KCND2: variants seen among roughly 807,000 people sequenced by gnomAD.
The protein encoded by KCND2 is A-type voltage-gated potassium channel KCND2.
KCND2 carries 16 observed loss-of-function variants against 54.4 expected under a neutral mutation model. The ratio of observed to expected loss-of-function variants is 0.29; its 90% CI spans 0.20 to 0.45. The LOEUF (loss-of-function observed/expected upper bound fraction) is 0.45. KCND2 is among the 20% of genes least tolerant of loss of function. The pLI is 1.00. For synonymous variants in KCND2, 317 were observed against 310.7 expected (o/e 1.02, Z -0.21); for missense variants, 486 against 824.2 (o/e 0.59, Z 5.02).
intron 1 of KCND2, among the ~76,000 whole-genome samples, chr7:120,690,700 A>G (rs1170012372): frequency 6.6e-6 from 1 of 152,202 alleles, no homozygotes; most frequent in Non-Finnish European, 1.5e-5. Context: ...CACATTGATC[A>G]TATTGATAAA....
intron 1 of KCND2, among the ~76,000 whole-genome samples, chr7:120,587,271 C>T (rs967121904): frequency 2.6e-5 from 4 of 152,074 alleles, no homozygotes; most frequent in African/African-American, 7.2e-5. Flanking sequence ...CAAAATATAC[C>T]AAATCCAGCA....
chr7:120,465,656 C>T (rs1226456782), intron 1 of KCND2, among the ~76,000 whole-genome samples: 1 of 152,020 alleles, frequency 6.6e-6, no homozygotes, highest in African/African-American at 2.4e-5. Flanking sequence ...GTGGAGCTGC[C>T]TAGCAGTCAG....
At chr7:120,722,857 C>CT (rs1302417644) in intron 1 of KCND2, among the ~76,000 whole-genome samples, 1 of 152,160 alleles carries the variant, frequency 6.6e-6, no homozygotes, top group Non-Finnish European at 1.5e-5. Flanking sequence ...CTTCCCCTGG[C>CT]AAAGGCACTT....
At chr7:120,335,460 C>CTTAT (rs1563013327) in intron 1 of KCND2, among the ~76,000 whole-genome samples, 1 of 136,728 alleles carries the variant, frequency 7.3e-6, no homozygotes, top group East Asian at 2.1e-4. Context: ...TATTTATTTA[C>CTTAT]TTACTTACTT....
At chr7:120,551,757 G>T (rs909656727) in intron 1 of KCND2, among the ~76,000 whole-genome samples, 2 of 152,116 alleles carry the variant, frequency 1.3e-5, no homozygotes, top group Non-Finnish European at 1.5e-5. Flanking sequence ...GATAGCCACA[G>T]CCTGTAACCT....
At chr7:120,309,703 ATATCT>A (rs1198247898) in intron 1 of KCND2, among the ~76,000 whole-genome samples, 1 of 151,730 alleles carries the variant, frequency 6.6e-6, no homozygotes, top group African/African-American at 2.4e-5. Flanking sequence ...CTATCTTCAG[ATATCT>A]TATGTTATGG....
chr7:120,578,281 C>G (rs1233261589), intron 1 of KCND2, among the ~76,000 whole-genome samples: 3 of 152,000 alleles, frequency 2.0e-5, no homozygotes, highest in East Asian at 3.9e-4. Flanking sequence ...TAGCAAGACC[C>G]TGTTTCAAGA....
At chr7:120,546,585 C>G (rs989145045) in intron 1 of KCND2, among the ~76,000 whole-genome samples, 1 of 151,862 alleles carries the variant, frequency 6.6e-6, no homozygotes, top group African/African-American at 2.4e-5. Context: ...TTCTGCCATA[C>G]CCTTCCATAT....
rs36229417 is a variant in KCND2 at position 120,604,510 on chromosome 7, CAATAATAATAATAAT to C, written c.1116-128364_1116-128350del. ...AGAGCAAGACTCCATCTAAAAATAA[CAATAATAATAATAAT>C]AATAATAATAATAATAATAATAATA... is the stretch of plus-strand genomic sequence containing the variant. On this transcript the variant is annotated intron_variant, in intron 1 of 5. Transcript: ENST00000331113. Among the ~76,000 whole-genome samples the C allele has an allele frequency of 5.3e-3, 742 of 140,240 alleles. 2 individuals are homozygous for C. The highest frequency in any genetic ancestry group is 0.011 in the Middle Eastern group (3 of 274). 92.0% of individuals were successfully genotyped at this position (140,240 alleles called of 152,430 possible).
intron 1 of KCND2, among the ~76,000 whole-genome samples, chr7:120,475,110 T>C (rs1186476026): frequency 6.6e-6 from 1 of 152,214 alleles, no homozygotes; most frequent in Non-Finnish European, 1.5e-5. Context: ...CCTAACTGCC[T>C]TCAGACCTTT....
intron 1 of KCND2, among the ~76,000 whole-genome samples, chr7:120,336,534 A>G (rs962798381): frequency 2.6e-5 from 4 of 152,180 alleles, no homozygotes; most frequent in Non-Finnish European, 5.9e-5. Context: ...ATAGGGATGT[A>G]GATAGTAGCT....
intron 1 of KCND2, among the ~76,000 whole-genome samples, chr7:120,388,402 T>C (rs1801021023): frequency 1.3e-5 from 2 of 152,060 alleles, no homozygotes; most frequent in Admixed American, 1.3e-4. Flanking sequence ...TGGGGTATTG[T>C]ACAAAGTAGA....
chr7:120,580,448 A>G (rs1792500873), intron 1 of KCND2, among the ~76,000 whole-genome samples: 1 of 152,046 alleles, frequency 6.6e-6, no homozygotes, highest in South Asian at 2.1e-4. Context: ...CTTCTGCTCC[A>G]CAAGCTAGCA....
Position 120,469,561 on chromosome 7 carries a change from A to T in KCND2, c.1115+193814A>T, listed in dbSNP as rs951295394. Among the ~76,000 whole-genome samples, 7 of 152,224 alleles carry T rather than the reference A, an allele frequency of 4.6e-5. No homozygotes were observed. In the East Asian group the frequency reaches 1.2e-3, roughly 25 times the overall value. The stretch of plus-strand genomic sequence containing the variant: ...CAATGCTCTGTTTCAGTAGCAGAGG[A>T]TTGGAAGCTCAGGAACCAGTTCCAT... On this transcript the variant is annotated intron_variant, in intron 1 of 5. Coordinates refer to ENST00000331113, the MANE Select transcript of KCND2 (RefSeq NM_012281.3).
intron 1 of KCND2, among the ~76,000 whole-genome samples, chr7:120,515,281 A>G (rs912287822): frequency 1.3e-5 from 2 of 152,012 alleles, no homozygotes; most frequent in Admixed American, 1.3e-4. Flanking sequence ...AAACACATAT[A>G]TTTTGTGAAG....
intron 1 of KCND2, among the ~76,000 whole-genome samples, chr7:120,433,303 C>T (rs1196825552): frequency 6.6e-6 from 1 of 152,202 alleles, no homozygotes; most frequent in African/African-American, 2.4e-5. Context: ...CAGTGCTGCT[C>T]TACTGTTTGC....
intron 1 of KCND2, among the ~76,000 whole-genome samples, chr7:120,560,247 T>C (rs1792216967): frequency 1.3e-5 from 2 of 152,204 alleles, no homozygotes; most frequent in African/African-American, 2.4e-5. Flanking sequence ...TTGCAGTTCA[T>C]TTTTATTACA....
At position 120,471,817 on chromosome 7, in the gene KCND2, A is replaced by G. The variant is rs540243925; in HGVS notation, c.1115+196070A>G. 3.9e-5 allele frequency among the ~76,000 whole-genome samples: 6 copies of G among 152,228 alleles called. No homozygotes were observed. In the East Asian group the frequency reaches 1.2e-3, roughly 29 times the overall value. On this transcript the variant is annotated intron_variant, in intron 1 of 5. Coordinates refer to ENST00000331113, the MANE Select transcript of KCND2 (RefSeq NM_012281.3). ...TTATTACTTTCTGATATTGAGTATT[A>G]TAGAGTATTGGAGCAAACTGTAACC... is the stretch of plus-strand genomic sequence containing the variant.
intron 1 of KCND2, among the ~76,000 whole-genome samples, chr7:120,725,797 T>C (rs1311458179): frequency 6.6e-6 from 1 of 152,186 alleles, no homozygotes. Context: ...TTATTTGGGC[T>C]ATAACACTTT....
Sources: gnomAD v4.1 joint callset for allele counts (sites outside exome capture counted in the v4.1 genomes callset) on GRCh38, gnomAD v4.1.1 for gene constraint, MANE v1.5 for transcripts, NCBI Gene and HGNC (gene_info 2026-07-23, HGNC 2026-07-21) for gene names.